The following GXYLT2 variants were observed in gnomAD, a reference collection of about 807,000 sequenced individuals.
The protein encoded by GXYLT2 is glycosyltransferase 8 domain containing 4.
GXYLT2 carries 53 observed loss-of-function variants against 45.8 expected under a neutral mutation model. The observed-to-expected ratio is 1.16, with a 90% CI of 0.93 to 1.46. The LOEUF (loss-of-function observed/expected upper bound fraction) is 1.46. GXYLT2 is among the 40% of genes most tolerant of loss of function. The pLI is 0.00. For synonymous variants in GXYLT2, 219 were observed against 214.2 expected (o/e 1.02, Z -0.19); for missense variants, 551 against 544.4 (o/e 1.01, Z -0.12).
Position 72,933,795 on chromosome 3 carries a change from G to A in GXYLT2, c.600+11460G>A, listed in dbSNP as rs116201602. ...ACAGGTCTGTAGTCCCAGCAGCCTG[G>A]GGGGGCCGAGCTTGGAGGATCACTT... On this transcript the variant is annotated intron_variant, in intron 3 of 6. Coordinates refer to ENST00000389617, the MANE Select transcript of GXYLT2 (RefSeq NM_001080393.2). 6.4e-3 allele frequency among the ~76,000 whole-genome samples: 969 copies of A among 152,198 alleles called. 8 individuals carry two copies. The highest frequency in any genetic ancestry group is 0.022 in the African/African-American group (896 of 41,526).
intron 1 of GXYLT2, among the ~76,000 whole-genome samples, chr3:72,893,606 A>T (rs1709225284): frequency 6.6e-6 from 1 of 151,900 alleles, no homozygotes; most frequent in Non-Finnish European, 1.5e-5. Context: ...GAGATAGATG[A>T]TCTCATAGCA....
rs572253572 is a variant in GXYLT2 at position 72,944,659 on chromosome 3, A to C, written c.601-10439A>C. Among the ~76,000 whole-genome samples the C allele has an allele frequency of 3.9e-5, 6 of 151,980 alleles. No homozygotes were observed. The South Asian group carries it at 1.0e-3, about 26-fold the overall frequency. On this transcript the variant is annotated intron_variant, in intron 3 of 6. Transcript: ENST00000389617. The stretch of plus-strand genomic sequence containing the variant: ...TTCTCTGTTTCCACCTCCTGAATTA[A>C]TCCTCTTTAATATTTCCTCTCTCTC...
intron 6 of GXYLT2, among the ~76,000 whole-genome samples, chr3:72,972,857 A>G (rs1711018791): frequency 2.0e-5 from 3 of 151,400 alleles, no homozygotes; most frequent in Admixed American, 6.6e-5. Context: ...AGATCTCTTG[A>G]GCTTAGGAGG....
At chr3:72,892,697 G>C (rs547008636) in intron 1 of GXYLT2, among the ~76,000 whole-genome samples, 1 of 152,246 alleles carries the variant, frequency 6.6e-6, no homozygotes, top group Non-Finnish European at 1.5e-5. Flanking sequence ...CTGAATAAAG[G>C]TCTCGCTAAA....
chr3:72,919,901 C>CCA (rs1709801092), intron 2 of GXYLT2, among the ~76,000 whole-genome samples: 1 of 151,996 alleles, frequency 6.6e-6, no homozygotes, highest in South Asian at 2.1e-4. Flanking sequence ...AAAGAGTGTA[C>CCA]AACAGAAAGA....
intron 1 of GXYLT2, among the ~76,000 whole-genome samples, chr3:72,891,443 C>T (rs1709181427): frequency 6.6e-6 from 1 of 152,192 alleles, no homozygotes; most frequent in Non-Finnish European, 1.5e-5. Context: ...CGTTAGTAGG[C>T]AGACCCTTCA....
At chr3:72,911,301 C>CGAAAG (rs1451119361) in intron 2 of GXYLT2, among the ~76,000 whole-genome samples, 2 of 151,410 alleles carry the variant, frequency 1.3e-5, no homozygotes, top group African/African-American at 4.9e-5. Context: ...AAAAAAATAA[C>CGAAAG]GAAAGGGAAG....
In GXYLT2 at chr3:72,888,082, G is replaced by T; in HGVS notation, c.-152G>T. On this transcript the variant is annotated 5_prime_UTR_variant, in exon 1 of 7. Coordinates refer to ENST00000389617, the MANE Select transcript of GXYLT2 (RefSeq NM_001080393.2). The stretch of plus-strand genomic sequence containing the variant: ...CTCCTCCTCCTTCGCCGTCGCCGCC[G>T]CCGCCGGCCGCCCGCCGGCCGCCAC... 1 of 309,610 alleles carries T rather than the reference G, an allele frequency of 3.2e-6. No homozygotes were observed. Among genetic ancestry groups the T allele is most frequent in the Non-Finnish European group, 4.7e-6 (1 of 213,550 alleles). 19.2% of individuals were successfully genotyped at this position (309,610 alleles called of 1,614,324 possible).
chr3:72,918,658 C>T (rs1482893177), intron 2 of GXYLT2, among the ~76,000 whole-genome samples: 1 of 151,942 alleles, frequency 6.6e-6, no homozygotes, highest in Non-Finnish European at 1.5e-5. Context: ...AACCCCATCT[C>T]TACTGAAAAT....
At chr3:72,916,173 T>C (rs896273956) in intron 2 of GXYLT2, among the ~76,000 whole-genome samples, 26 of 150,560 alleles carry the variant, frequency 1.7e-4, no homozygotes. Context: ...GTATGTGTTT[T>C]GCCACACTTC....
chr3:72,922,397 A>G, intron 3 of GXYLT2, 62 bp downstream of exon 3: 1 of 1,514,944 alleles, frequency 6.6e-7, no homozygotes, highest in Non-Finnish European at 9.0e-7. Flanking sequence ...AAATTAGCTG[A>G]GATGTGTGTA....
At chr3:72,960,427 T>A (rs1710746329) in intron 5 of GXYLT2, among the ~76,000 whole-genome samples, 2 of 152,226 alleles carry the variant, frequency 1.3e-5, no homozygotes, top group Non-Finnish European at 1.5e-5. Flanking sequence ...AGCTTTGCAA[T>A]TAAACAGGAG....
intron 2 of GXYLT2, among the ~76,000 whole-genome samples, chr3:72,913,195 G>A (rs1709667342): frequency 6.6e-6 from 1 of 150,784 alleles, no homozygotes; most frequent in African/African-American, 2.4e-5. Flanking sequence ...CCGCCACCAC[G>A]CCCGGCTAAT....
At chr3:72,889,896 GT>G (rs369830925) in intron 1 of GXYLT2, among the ~76,000 whole-genome samples, 4 of 135,516 alleles carry the variant, frequency 3.0e-5, no homozygotes, top group Admixed American at 7.4e-5. Context: ...TTTTCTTTTG[GT>G]TTTTTTTTTG....
At chr3:72,972,125 C>T (rs555953733) in intron 6 of GXYLT2, among the ~76,000 whole-genome samples, 3 of 151,986 alleles carry the variant, frequency 2.0e-5, no homozygotes, top group African/African-American at 7.2e-5. Context: ...CTCTCTATTT[C>T]TCTCTCTGTT....
chr3:72,933,224 A>ATGT (rs1489091009), intron 3 of GXYLT2, among the ~76,000 whole-genome samples: 2 of 152,146 alleles, frequency 1.3e-5, no homozygotes, highest in East Asian at 3.8e-4. Context: ...TTTTTGACCC[A>ATGT]GTCGGCCAAG....
chr3:72,902,506 G>C (rs1232939478), intron 1 of GXYLT2, among the ~76,000 whole-genome samples: 2 of 152,146 alleles, frequency 1.3e-5, no homozygotes, highest in Non-Finnish European at 2.9e-5. Flanking sequence ...TTGAAAGGGA[G>C]GATTAGATAA....
chr3:72,916,601 G>A (rs562024728), intron 2 of GXYLT2, among the ~76,000 whole-genome samples: 22 of 152,074 alleles, frequency 1.4e-4, no homozygotes, highest in East Asian at 5.8e-4. Flanking sequence ...GTGTAGTGGC[G>A]TGATCTCCAC....
chr3:72,904,219 G>T (rs1425339185), intron 1 of GXYLT2, among the ~76,000 whole-genome samples: 1 of 152,362 alleles, frequency 6.6e-6, no homozygotes, highest in East Asian at 1.9e-4. Flanking sequence ...AGTCATTCAA[G>T]GGGTTAAGAA....
Sources: gnomAD v4.1 joint callset for allele counts (sites outside exome capture counted in the v4.1 genomes callset) on GRCh38, gnomAD v4.1.1 for gene constraint, MANE v1.5 for transcripts, NCBI Gene and HGNC (gene_info 2026-07-23, HGNC 2026-07-21) for gene names.